Variants in EFHC2 observed in about 807,000 individuals in gnomAD.
The protein encoded by EFHC2 is EF-hand domain-containing family member C2.
Under a neutral mutation model 52.7 loss-of-function variants are expected in EFHC2, and 18 were observed. The ratio of observed to expected loss-of-function variants is 0.34; its 90% CI spans 0.24 to 0.51. The LOEUF is 0.51. Ranked by LOEUF, EFHC2 falls within the 20% of genes least tolerant of loss-of-function variation. The pLI is 0.97. For missense variants in EFHC2, 513 were observed against 562.5 expected (o/e 0.91, Z 0.89); for synonymous variants, 203 against 204.1 (o/e 0.99, Z 0.04).
At chrX:44,229,202 G>A (rs759778088) in intron 11 of EFHC2, among the ~76,000 whole-genome samples, 85 of 112,408 alleles carry the variant, frequency 7.6e-4, no homozygotes, top group South Asian at 1.5e-3. Flanking sequence ...ATACACAGAT[G>A]CATACATATC....
rs370389045 is a variant in EFHC2, at chrX:44,232,642, C to T, written c.1459G>A (p.Val487Ile). The stretch of plus-strand genomic sequence containing the variant: ...AAGACTTCTTGTCCAGGCTTCTTAA[C>T]GCGACTTCTTTTCAAGAACATCCCA... ...AGGMFLKRSR[V>I]KKPGQEVFKS... Residue 487 changes from valine to isoleucine, a missense_variant, in exon 10 of 15, where the codon GTT becomes ATT. Physicochemically the swap from Val to Ile is conservative, Grantham distance 29. Transcript: ENST00000420999. 1.6e-5 allele frequency: 19 copies of T among 1,196,796 alleles called. No homozygotes were observed. The highest frequency in any genetic ancestry group is 6.8e-5 in the Admixed American group (3 of 44,217).
intron 11 of EFHC2, among the ~76,000 whole-genome samples, chrX:44,191,533 A>G (rs1233446589): frequency 8.9e-6 from 1 of 112,027 alleles, no homozygotes; most frequent in Non-Finnish European, 1.9e-5. Flanking sequence ...CACTGCACCC[A>G]GTCTGTTCAT....
chrX:44,208,084 G>C (rs775956163), intron 11 of EFHC2, among the ~76,000 whole-genome samples: 1 of 112,343 alleles, frequency 8.9e-6, no homozygotes, highest in African/African-American at 3.2e-5. Context: ...AAAGCAGTTT[G>C]GAGATTTCTC....
rs186813937 is a variant in EFHC2, at chrX:44,278,356, C to T, written c.232-5520G>A. Among the ~76,000 whole-genome samples, 5 of 112,141 alleles carry T rather than the reference C, an allele frequency of 4.5e-5. No homozygotes were observed. The East Asian group carries it at 8.4e-4, about 19-fold the overall frequency. ...CGCCACTGCACTCCAGCCTGAGCAA[C>T]GACAGAGTGACATTCCGTGAAAAAC... On this transcript the variant is annotated intron_variant, in intron 2 of 14. Coordinates refer to ENST00000420999, the MANE Select transcript of EFHC2 (RefSeq NM_025184.4).
At chrX:44,211,542 C>A (rs1224167730) in intron 11 of EFHC2, among the ~76,000 whole-genome samples, 1 of 104,472 alleles carries the variant, frequency 9.6e-6, no homozygotes, top group Non-Finnish European at 2.0e-5. Context: ...AAACAAAAAA[C>A]AGTTTGGGAA....
intron 11 of EFHC2, among the ~76,000 whole-genome samples, chrX:44,195,814 G>A (rs2036961359): frequency 8.9e-6 from 1 of 112,124 alleles, no homozygotes; most frequent in Non-Finnish European, 1.9e-5. Context: ...TGAGTGGCCA[G>A]TGGAGAAAGT....
intron 2 of EFHC2, among the ~76,000 whole-genome samples, chrX:44,289,611 C>A (rs1045532051): frequency 9.3e-6 from 1 of 107,821 alleles, no homozygotes; most frequent in Non-Finnish European, 1.9e-5. Flanking sequence ...AATTATTGAT[C>A]TCTTTTTTAT....
intron 11 of EFHC2, among the ~76,000 whole-genome samples, chrX:44,211,805 G>A (rs1373253939): frequency 1.0e-5 from 1 of 99,473 alleles, no homozygotes; most frequent in East Asian, 3.3e-4. Flanking sequence ...CCGGGAGGTG[G>A]AGCTTGCAGT....
At chrX:44,336,760 C>T (rs776228293) in intron 1 of EFHC2, among the ~76,000 whole-genome samples, 7 of 111,723 alleles carry the variant, frequency 6.3e-5, no homozygotes, top group Non-Finnish European at 1.1e-4. Flanking sequence ...AAGCTTGACC[C>T]GGAATTATTT....
chrX:44,170,527 T>C (rs2036736873), intron 13 of EFHC2, among the ~76,000 whole-genome samples: 2 of 110,756 alleles, frequency 1.8e-5, no homozygotes, highest in South Asian at 7.8e-4. Flanking sequence ...GAGTTACCCC[T>C]GAAGGTTATC....
intron 14 of EFHC2, among the ~76,000 whole-genome samples, chrX:44,159,644 G>A (rs2036635522): frequency 8.9e-6 from 1 of 112,304 alleles, no homozygotes; most frequent in Admixed American, 9.4e-5. Context: ...CCTGCAGACT[G>A]AAATATTTCT....
In EFHC2 at chrX:44,250,309, T is replaced by A; in HGVS notation, c.743A>T (p.Glu248Val). 2 of 1,210,831 alleles carry A rather than the reference T, an allele frequency of 1.7e-6. No homozygotes were observed. Among genetic ancestry groups the A allele is most frequent in the Non-Finnish European group, 2.2e-6 (2 of 895,208 alleles). The change falls in exon 5 of 15, where the codon GAA (glutamate) becomes GTA (valine). Residue 248 changes from glutamate (E) to valine (V), a missense_variant. Transcript: ENST00000420999. ...DSVSMFGDRRELILHYFLCDD... is the reference protein window; with the variant it reads ...DSVSMFGDRRVLILHYFLCDD... ...ACACAAGAAGTAATGCAGGATGAGTTCTCTACGGTCTCCAAACATTGAGAC... is the reference window on the plus strand; with the variant it reads ...ACACAAGAAGTAATGCAGGATGAGTACTCTACGGTCTCCAAACATTGAGAC...
chrX:44,232,713 T>C (rs147496249), intron 9 of EFHC2, 36 bp from the exon 10 acceptor site: 6 of 1,138,211 alleles, frequency 5.3e-6, no homozygotes, highest in Admixed American at 5.3e-5. Context: ...GCAGCCTTTA[T>C]TCTTAAAAGA....
At chrX:44,316,596 T>TA (rs144089795) in intron 1 of EFHC2, among the ~76,000 whole-genome samples, 17,899 of 111,488 alleles carry the variant, frequency 0.16, 1,154 homozygotes, top group African/African-American at 0.24. Context: ...CTCAAGCCTG[T>TA]ATCCCAGCAA....
chrX:44,174,805 C>A (rs1210370639), intron 13 of EFHC2, among the ~76,000 whole-genome samples: 2 of 111,243 alleles, frequency 1.8e-5, no homozygotes, highest in East Asian at 5.6e-4. Flanking sequence ...ATCTCAGTTC[C>A]TTCACGGCAG....
chrX:44,216,503 T>C (rs1179692061), intron 11 of EFHC2, among the ~76,000 whole-genome samples: 4 of 111,650 alleles, frequency 3.6e-5, no homozygotes, highest in African/African-American at 1.3e-4. Flanking sequence ...GCATCTTTTC[T>C]AGCTTGGCCT....
At chrX:44,242,838 T>A (rs888986989) in intron 7 of EFHC2, among the ~76,000 whole-genome samples, 1 of 111,376 alleles carries the variant, frequency 9.0e-6, no homozygotes, top group Non-Finnish European at 1.9e-5. Context: ...TACTTCCCTA[T>A]GTAGTTCAAA....
At chrX:44,246,474 C>T (rs146307211) in intron 7 of EFHC2, among the ~76,000 whole-genome samples, 3,038 of 112,058 alleles carry the variant, frequency 0.027, 109 homozygotes, top group African/African-American at 0.093. Context: ...TGTTTAAATG[C>T]ATAATGCTCA....
chrX:44,342,984 T>C (rs1257295138), intron 1 of EFHC2, among the ~76,000 whole-genome samples: 1 of 110,752 alleles, frequency 9.0e-6, no homozygotes, highest in Non-Finnish European at 1.9e-5. Context: ...CTTTACAGGC[T>C]GATAGAACTC....
Sources: gnomAD v4.1 joint callset for allele counts (sites outside exome capture counted in the v4.1 genomes callset) on GRCh38, gnomAD v4.1.1 for gene constraint, MANE v1.5 for transcripts, NCBI Gene and HGNC (gene_info 2026-07-23, HGNC 2026-07-21) for gene names.